Variants in ARID3A observed in about 807,000 individuals in gnomAD.
ARID3A encodes AT-rich interactive domain-containing protein 3A.
A neutral mutation model predicts 52.7 loss-of-function variants in ARID3A; 11 were observed. The observed-to-expected ratio is 0.21, with a 90% CI of 0.13 to 0.35. The LOEUF is 0.35. Among genes scored for constraint, ARID3A ranks in the 10% least tolerant of loss-of-function variants. The pLI, the probability that ARID3A is intolerant of heterozygous loss-of-function variation, is 1.00. For synonymous variants in ARID3A, 404 were observed against 359.4 expected, an observed-to-expected ratio of 1.12 and a Z score of -1.40; for missense variants, 721 against 838.5, an observed-to-expected ratio of 0.86 and a Z score of 1.73.
intron 3 of ARID3A, among the ~76,000 whole-genome samples, chr19:958,755 T>TA (rs2037977588): frequency 2.0e-5 from 3 of 151,642 alleles, no homozygotes; most frequent in Non-Finnish European, 2.9e-5. Flanking sequence ...TATCCGGGCG[T>TA]GGTGGCGGGC....
intron 8 of ARID3A, among the ~76,000 whole-genome samples, chr19:969,550 A>G (rs1203511443): frequency 1.3e-5 from 2 of 151,586 alleles, no homozygotes; most frequent in African/African-American, 4.8e-5. Flanking sequence ...CTCTCTCTAT[A>G]TATCTATATA....
Position 929,363 on chromosome 19 carries a change from G to GGGCCCCCCCCC in ARID3A, c.-166_-165insGGCCCCCCCCC. On this transcript the variant is annotated 5_prime_UTR_variant, in exon 2 of 9. Coordinates refer to ENST00000263620, the MANE Select transcript of ARID3A (RefSeq NM_005224.3). The surrounding 1 kb of genome is among the most constrained non-coding windows in gnomAD (Gnocchi z 6.2). ...ATCAGCCTTCAGCTTGAGCCCGGCG[G>GGGCCCCCCCCC]CCCCCGCCCCCGCCCCCTGCCACCC... 1.2e-5 allele frequency: 3 copies of GGGCCCCCCCCC among 259,262 alleles called. No individual in the cohort carries two copies. Among genetic ancestry groups the GGGCCCCCCCCC allele is most frequent in the Non-Finnish European group, 1.3e-5 (2 of 151,228 alleles). 16.1% of individuals were successfully genotyped at this position (259,262 alleles called of 1,614,324 possible). A position where few individuals can be genotyped will look rare whatever the true frequency, so the allele number is the denominator to read the frequency against.
intron 1 of ARID3A, among the ~76,000 whole-genome samples, chr19:926,960 C>G (rs181910635): frequency 6.6e-6 from 1 of 151,298 alleles, no homozygotes; most frequent in Admixed American, 6.6e-5. Flanking sequence ...CTTATTTCTT[C>G]TCCTTCTTGA....
intron 1 of ARID3A, among the ~76,000 whole-genome samples, chr19:927,592 TG>T (rs1009266383): frequency 4.0e-5 from 5 of 123,738 alleles, no homozygotes; most frequent in Non-Finnish European, 8.4e-5. Flanking sequence ...AGCTCTTCCG[TG>T]GGGGGGGCCT....
chr19:943,785 C>T (rs1453992453), intron 3 of ARID3A, among the ~76,000 whole-genome samples: 9 of 152,190 alleles, frequency 5.9e-5, no homozygotes, highest in Non-Finnish European at 7.3e-5. Flanking sequence ...GACGTGGCAC[C>T]GTGCCCTGGG....
chr19:952,441 CAAAAAAAAAAAA>C (rs10663796), intron 3 of ARID3A, among the ~76,000 whole-genome samples: 9 of 59,776 alleles, frequency 1.5e-4, no homozygotes, highest in South Asian at 9.6e-4. Context: ...GACCCTGTCT[CAAAAAAAAAAAA>C]AAAAAAAAAA....
intron 1 of ARID3A, among the ~76,000 whole-genome samples, 160 bp downstream of exon 1, chr19:926,219 GC>G (rs1430459252): frequency 6.6e-6 from 1 of 151,640 alleles, no homozygotes; most frequent in Non-Finnish European, 1.5e-5. Flanking sequence ...GAGCGCGCTG[GC>G]CGTTCCCAGC....
At chr19:956,935 T>C (rs1449520907) in intron 3 of ARID3A, among the ~76,000 whole-genome samples, 1 of 152,208 alleles carries the variant, frequency 6.6e-6, no homozygotes, top group African/African-American at 2.4e-5. Context: ...TCATCCCAGC[T>C]GAGGCCTAAT....
At chr19:932,030 C>T (rs2037341157) in intron 2 of ARID3A, among the ~76,000 whole-genome samples, 2 of 151,500 alleles carry the variant, frequency 1.3e-5, no homozygotes, top group Admixed American at 6.6e-5. Context: ...GAGTCTTGCT[C>T]TGTGGCCCAG....
intron 3 of ARID3A, among the ~76,000 whole-genome samples, chr19:933,835 C>T (rs1052850981): frequency 3.2e-4 from 19 of 58,504 alleles, no homozygotes; most frequent in African/African-American, 9.9e-4. Flanking sequence ...AGGGCAGCGG[C>T]GGGGACTCGG....
In ARID3A at chr19:972,594, C is replaced by G; in HGVS notation, c.*529C>G. ...TCCAGTGAAACCCCTGAACCAAGATCACTGAATTTTTGTTTTTTTCTTGTT... is the reference window on the plus strand; with the variant it reads ...TCCAGTGAAACCCCTGAACCAAGATGACTGAATTTTTGTTTTTTTCTTGTT... On this transcript the variant is annotated 3_prime_UTR_variant, in exon 9 of 9. Transcript: ENST00000263620. The G allele has an allele frequency of 4.5e-6, 1 of 221,798 alleles. No individual in the cohort carries two copies. The highest frequency in any genetic ancestry group is 9.0e-6 in the Non-Finnish European group (1 of 110,670). 13.7% of individuals were successfully genotyped at this position (221,798 alleles called of 1,614,324 possible).
At chr19:948,763 G>T (rs1439834527) in intron 3 of ARID3A, among the ~76,000 whole-genome samples, 1 of 142,652 alleles carries the variant, frequency 7.0e-6, no homozygotes, top group Non-Finnish European at 1.5e-5. Context: ...AGGCTGGAGT[G>T]CAGTGGCACG....
chr19:958,889 CAA>C (rs368361708), intron 3 of ARID3A, among the ~76,000 whole-genome samples: 1 of 144,962 alleles, frequency 6.9e-6, no homozygotes, highest in East Asian at 2.0e-4. Context: ...GACTCCGTCT[CAA>C]AAAAAAAAAA....
chr19:952,044 G>A (rs148787208), intron 3 of ARID3A, among the ~76,000 whole-genome samples: 2,266 of 152,178 alleles, frequency 0.015, 52 homozygotes, highest in African/African-American at 0.05. Flanking sequence ...GGGAGGCTGG[G>A]GCAGGAGAAT....
In ARID3A at chr19:960,223, G is replaced by A; in HGVS notation, c.766+59G>A. On this transcript the variant is annotated intron_variant, in intron 4 of 8. Transcript: ENST00000263620. The surrounding 1 kb of genome is among the most constrained non-coding windows in gnomAD (Gnocchi z 4.3). ...GTCACAGAAACAGGGCTGTAGGAGG[G>A]GCCCTACTGGCTCCAGGTATGTCGG... 1.4e-5 allele frequency: 21 copies of A among 1,488,654 alleles called. 1 individual carries two copies. In the South Asian group the frequency reaches 2.4e-4, roughly 17 times the overall value. The allele number at this position is 1,488,654 out of a possible 1,614,324, so 92.2% of individuals were successfully genotyped here.
At chr19:936,074 G>A (rs2037433342) in intron 3 of ARID3A, among the ~76,000 whole-genome samples, 1 of 152,256 alleles carries the variant, frequency 6.6e-6, no homozygotes, top group African/African-American at 2.4e-5. Flanking sequence ...AAAGGCGTGA[G>A]CCACCGCGCC....
rs752484238 is a variant in ARID3A at position 964,933 on chromosome 19, C to T, written c.1051C>T (p.Arg351Cys). 4.3e-6 allele frequency: 7 copies of T among 1,613,954 alleles called. No homozygotes were observed. The highest frequency in any genetic ancestry group is 5.1e-6 in the Non-Finnish European group (6 of 1,180,016). Residue 351 changes from arginine (R) to cysteine (C), a missense_variant, in exon 6 of 9, where the codon CGC (arginine) becomes TGC (cysteine). Physicochemically the swap from Arg to Cys is radical, Grantham distance 180. Around this residue, in one of 5 missense-constraint regions of ARID3A, gnomAD observed 297 missense variants for 343.2 expected, o/e 0.87. Transcript: ENST00000263620. This position sits in a 1 kb window ranked among gnomAD's most constrained non-coding sequence, Gnocchi z 5.7. ...AGACAGCAACCGACGGGAGGGCCGG[C>T]GCCAGAGCTTTGGTGGCTCCCTCTT... Reference protein sequence around the residue: ...AIDSNRREGRRQSFGGSLFAY... With the variant: ...AIDSNRREGRCQSFGGSLFAY...
chr19:942,948 GC>G lies in ARID3A; in HGVS notation c.693+10207del, dbSNP rs915081283. Among the ~76,000 whole-genome samples the G allele has an allele frequency of 2.6e-5, 4 of 152,196 alleles. No individual in the cohort carries two copies. Among genetic ancestry groups the G allele is most frequent in the Admixed American group, 2.0e-4 (3 of 15,270 alleles). Reference sequence around the variant, plus strand: ...AAGATGTTAGTTTCAGTGAGGTCCTGCAGCGTACGGTGGCCCCAAATCCCAT... The same window carrying G: ...AAGATGTTAGTTTCAGTGAGGTCCTGAGCGTACGGTGGCCCCAAATCCCAT... On this transcript the variant is annotated intron_variant, in intron 3 of 8. Transcript: ENST00000263620. The surrounding 1 kb of genome is among the most constrained non-coding windows in gnomAD (Gnocchi z 8.1).
chr19:961,585 CGTGCCTGGTACA>C (rs1168158906), intron 4 of ARID3A, among the ~76,000 whole-genome samples: 1 of 152,190 alleles, frequency 6.6e-6, no homozygotes, highest in Non-Finnish European at 1.5e-5. Flanking sequence ...TGCTGTTACC[CGTGCCTGGTACA>C]GTGCCTGGTG....
Sources: allele counts gnomAD v4.1 joint callset (sites outside exome capture counted in the v4.1 genomes callset), GRCh38; gene constraint gnomAD v4.1.1; regional missense constraint gnomAD v4.1.1; non-coding constraint Gnocchi (gnomAD v3.1); transcripts MANE v1.5; gene names NCBI Gene and HGNC (gene_info 2026-07-23, HGNC 2026-07-21).